SND1: variants seen among roughly 807,000 people sequenced by gnomAD.
The protein encoded by SND1 is staphylococcal nuclease domain-containing protein 1.
Under a neutral mutation model 121.7 loss-of-function variants are expected in SND1, and 38 were observed. The ratio of observed to expected loss-of-function variants is 0.31; its 90% CI spans 0.24 to 0.41. The LOEUF is 0.41. SND1 is among the 10% of genes least tolerant of loss of function. SND1 has a pLI of 1.00. For synonymous variants in SND1, 401 were observed against 447.4 expected (o/e 0.90, Z 1.31); for missense variants, 868 against 1,184.6 (o/e 0.73, Z 3.92).
chr7:127,919,520 GA>G (rs376972250), intron 14 of SND1, among the ~76,000 whole-genome samples: 14 of 152,144 alleles, frequency 9.2e-5, no homozygotes, highest in African/African-American at 3.4e-4. Flanking sequence ...AACTGTTAAA[GA>G]AAAAAATAGT....
At chr7:127,691,386 C>A (rs538840653) in intron 2 of SND1, among the ~76,000 whole-genome samples, 262 of 150,948 alleles carry the variant, frequency 1.7e-3, no homozygotes, top group African/African-American at 6.0e-3. Flanking sequence ...ACTAAAAATA[C>A]AAAAAAAATT....
chr7:128,073,860 C>A (rs1022328607), intron 16 of SND1, among the ~76,000 whole-genome samples: 11 of 152,144 alleles, frequency 7.2e-5, no homozygotes, highest in Non-Finnish European at 1.5e-4. Context: ...GTGGAGGAGG[C>A]CTTGAGGCCC....
chr7:128,058,926 C>G (rs1329887602), intron 16 of SND1, among the ~76,000 whole-genome samples: 5 of 152,132 alleles, frequency 3.3e-5, no homozygotes, highest in Non-Finnish European at 7.4e-5. Context: ...CCTTGCCCAT[C>G]CTTCAAGTCA....
intron 6 of SND1, 67 bp from the exon 7 acceptor site, chr7:127,703,098 T>C: frequency 6.4e-7 from 1 of 1,571,324 alleles, no homozygotes; most frequent in Non-Finnish European, 8.7e-7. Flanking sequence ...GAAGGCTTAG[T>C]GTGGGGCGAG....
chr7:127,989,207 C>A (rs1405524040), intron 15 of SND1, among the ~76,000 whole-genome samples: 6 of 152,202 alleles, frequency 3.9e-5, no homozygotes, highest in Non-Finnish European at 8.8e-5. Context: ...ATCTTCTTTG[C>A]CATGTGACAC....
chr7:127,932,752 C>G (rs187413608), intron 15 of SND1, among the ~76,000 whole-genome samples: 1 of 152,332 alleles, frequency 6.6e-6, no homozygotes, highest in East Asian at 1.9e-4. Context: ...CAAGACCCTC[C>G]AGCAGCAAAA....
intron 10 of SND1, among the ~76,000 whole-genome samples, chr7:127,759,139 T>C (rs1797253402): frequency 6.6e-6 from 1 of 152,114 alleles, no homozygotes; most frequent in African/African-American, 2.4e-5. Flanking sequence ...TACATACTGC[T>C]TAGTAGACAA....
chr7:127,744,134 C>T (rs905933525), intron 10 of SND1, among the ~76,000 whole-genome samples: 1 of 151,880 alleles, frequency 6.6e-6, no homozygotes, highest in African/African-American at 2.4e-5. Flanking sequence ...TTTAGCAAAG[C>T]GATCATGAAT....
chr7:128,022,136 C>T (rs1445356830), intron 16 of SND1, among the ~76,000 whole-genome samples: 3 of 130,924 alleles, frequency 2.3e-5, no homozygotes, highest in African/African-American at 2.9e-5. Flanking sequence ...ACCCGGGAGG[C>T]GGAGGTTGCA....
At chr7:127,709,988 A>G (rs1307472404) in intron 9 of SND1, among the ~76,000 whole-genome samples, 2 of 151,786 alleles carry the variant, frequency 1.3e-5, no homozygotes, top group Non-Finnish European at 2.9e-5. Context: ...CTTGTTTTGT[A>G]ATTTTTTTTT....
At chr7:127,950,613 T>C (rs1174345305) in intron 15 of SND1, among the ~76,000 whole-genome samples, 1 of 152,180 alleles carries the variant, frequency 6.6e-6, no homozygotes, top group Non-Finnish European at 1.5e-5. Context: ...CTCCCATCCA[T>C]GAAATGAAAC....
intron 16 of SND1, among the ~76,000 whole-genome samples, chr7:128,060,883 G>A (rs1401760919): frequency 6.6e-6 from 1 of 152,204 alleles, no homozygotes; most frequent in African/African-American, 2.4e-5. Flanking sequence ...GGACATCTTA[G>A]CAAGAGACAC....
intron 12 of SND1, among the ~76,000 whole-genome samples, chr7:127,848,843 CT>C (rs1799114682): frequency 6.6e-6 from 1 of 152,058 alleles, no homozygotes; most frequent in African/African-American, 2.4e-5. Flanking sequence ...TAGTCTAATC[CT>C]TTTTTCCTCT....
At chr7:127,912,267 A>G (rs1377024134) in intron 14 of SND1, among the ~76,000 whole-genome samples, 1 of 152,214 alleles carries the variant, frequency 6.6e-6, no homozygotes, top group Non-Finnish European at 1.5e-5. Flanking sequence ...AATTTTTTTC[A>G]AAATTTCATT....
rs533950651 is a variant in SND1, at chr7:127,660,701, T to C, written c.78+8250T>C. 6.6e-5 allele frequency among the ~76,000 whole-genome samples: 10 copies of C among 152,332 alleles called. No homozygotes were observed. In the South Asian group the frequency reaches 1.7e-3, roughly 25 times the overall value. Reference sequence around the variant, plus strand: ...AGATTTTGGATTTTTGGATTAGGGATGTTCAACCTGTATAGGAATCATTTT... The same window carrying C: ...AGATTTTGGATTTTTGGATTAGGGACGTTCAACCTGTATAGGAATCATTTT... On this transcript the variant is annotated intron_variant, in intron 1 of 23. Coordinates refer to ENST00000354725, the MANE Select transcript of SND1 (RefSeq NM_014390.4).
rs181327975 is a variant in SND1 at position 127,758,647 on chromosome 7, A to G, written c.1152+37247A>G. ...CCTGATCATATGGTTTTGATATTTA[A>G]ATTTTTATAGTAGAACCTTGCTAAT... On this transcript the variant is annotated intron_variant, in intron 10 of 23. Coordinates refer to ENST00000354725, the MANE Select transcript of SND1 (RefSeq NM_014390.4). Among the ~76,000 whole-genome samples, 4 of 152,270 alleles carry G rather than the reference A, an allele frequency of 2.6e-5. No individual in the cohort carries two copies. In the East Asian group the frequency reaches 5.8e-4, roughly 22 times the overall value.
intron 13 of SND1, among the ~76,000 whole-genome samples, chr7:127,889,985 A>G (rs1197394963): frequency 6.6e-6 from 1 of 152,148 alleles, no homozygotes; most frequent in Non-Finnish European, 1.5e-5. Flanking sequence ...TGTAGCAAAC[A>G]TGGGAGTACA....
At chr7:128,078,862 G>T (rs1237577492) in intron 17 of SND1, among the ~76,000 whole-genome samples, 1 of 152,234 alleles carries the variant, frequency 6.6e-6, no homozygotes, top group Non-Finnish European at 1.5e-5. Flanking sequence ...ACAGAATGCC[G>T]GTCTCTGTTA....
intron 11 of SND1, among the ~76,000 whole-genome samples, chr7:127,842,529 A>C (rs1174233822): frequency 6.6e-6 from 1 of 152,134 alleles, no homozygotes; most frequent in Non-Finnish European, 1.5e-5. Context: ...CATCTAGTCC[A>C]TTCTATCTCC....
Sources: gnomAD v4.1 joint callset for allele counts (sites outside exome capture counted in the v4.1 genomes callset) on GRCh38, gnomAD v4.1.1 for gene constraint, MANE v1.5 for transcripts, NCBI Gene and HGNC (gene_info 2026-07-23, HGNC 2026-07-21) for gene names.